TEP1: variants seen among roughly 807,000 people sequenced by gnomAD.
TEP1 encodes telomerase associated protein 1, also known as telomerase protein component 1.
TEP1 carries 241 observed loss-of-function variants against 306.3 expected under a neutral mutation model. The observed-to-expected ratio is 0.79, with a 90% confidence interval of 0.71 to 0.88. The LOEUF is 0.88. TEP1 is among the 40% of genes least tolerant of loss of function. TEP1 has a pLI of 0.00. For synonymous variants in TEP1, 1,289 were observed against 1,305.5 expected, an observed-to-expected ratio of 0.99 and a Z score of 0.27; for missense variants, 3,051 against 3,276.1, an observed-to-expected ratio of 0.93 and a Z score of 1.68.
Position 20,407,996 on chromosome 14 carries a change from A to T in TEP1, c.444T>A (p.Asn148Lys). The T allele has an allele frequency of 6.2e-7, 1 of 1,614,212 alleles. No individual in the cohort carries two copies. Among genetic ancestry groups the T allele is most frequent in the Admixed American group, 1.7e-5 (1 of 60,022 alleles). ...QADLYRVNNS[N>K]CLLSEPPSWR... Reference sequence around the variant, plus strand: ...AACTTGGAGGCTCAGAGAGCAGGCAATTGCTGTTGTTCACACGGTACAAAT... The same window carrying T: ...AACTTGGAGGCTCAGAGAGCAGGCATTTGCTGTTGTTCACACGGTACAAAT... Residue 148 changes from asparagine (N) to lysine (K), a missense_variant, in exon 2 of 55, where the codon AAT becomes AAA. Physicochemically the swap from Asn to Lys is moderately conservative, Grantham distance 94. This residue lies in a region of TEP1 where 1,507 missense variants were observed against 1,550.5 expected (regional missense o/e 0.97). Transcript: ENST00000262715.
At chr14:20,375,236 G>A (rs759146432) in intron 43 of TEP1, among the ~76,000 whole-genome samples, 5 of 151,938 alleles carry the variant, frequency 3.3e-5, no homozygotes, top group Non-Finnish European at 7.4e-5. Flanking sequence ...GCAATGGCGC[G>A]ACCTCTGCCT....
intron 29 of TEP1, 50 bp from the exon 30 acceptor site, chr14:20,382,113 G>A (rs777894635): frequency 7.5e-6 from 12 of 1,608,262 alleles, no homozygotes; most frequent in South Asian, 4.4e-5. Context: ...CGGTGTCCCC[G>A]CCCCCACCAC....
intron 14 of TEP1, 90 bp from the exon 15 acceptor site, chr14:20,390,848 T>C (rs752931941): frequency 6.2e-7 from 1 of 1,612,002 alleles, no homozygotes; most frequent in Non-Finnish European, 8.5e-7. Context: ...TTCAGAACTG[T>C]GTATTGTCTG....
At chr14:20,404,888 T>C in intron 4 of TEP1, 116 bp from the exon 5 acceptor site, 3 of 1,252,014 alleles carry the variant, frequency 2.4e-6, no homozygotes, top group Non-Finnish European at 3.2e-6. Context: ...CCCTCCACGT[T>C]GTCCACAAAA....
rs1388154055 is a variant in TEP1, at chr14:20,384,402, G to A, written c.3328C>T (p.Leu1110Phe). ...GTGCTTCTGCTGACCTGCAGGTAGAGCTTCTGGATCATATTCCATACATCC... is the reference window on the plus strand; with the variant it reads ...GTGCTTCTGCTGACCTGCAGGTAGAACTTCTGGATCATATTCCATACATCC... ...LQDVWNMIQK[L>F]YLQPGALLEQ... Residue 1110 changes from leucine (L) to phenylalanine (F), a missense_variant, in exon 23 of 55, where the codon CTC (leucine) becomes TTC (phenylalanine). Coordinates refer to ENST00000262715, the MANE Select transcript of TEP1 (RefSeq NM_007110.5). 3.1e-6 allele frequency: 5 copies of A among 1,614,026 alleles called. No individual in the cohort carries two copies. Among genetic ancestry groups the A allele is most frequent in the African/African-American group, 1.3e-5 (1 of 74,910 alleles).
intron 3 of TEP1, among the ~76,000 whole-genome samples, 154 bp downstream of exon 3, chr14:20,406,076 AAAG>A (rs563792348): frequency 1.5e-3 from 221 of 152,086 alleles, no homozygotes; most frequent in Non-Finnish European, 2.4e-3. Context: ...AAGGAAAATA[AAAG>A]AAAAAAGAAA....
chr14:20,388,850 T>TA (rs1333443038), intron 17 of TEP1, among the ~76,000 whole-genome samples: 2 of 152,218 alleles, frequency 1.3e-5, no homozygotes, highest in East Asian at 3.9e-4. Flanking sequence ...TACCTCACTT[T>TA]AAAAAAGAAG....
chr14:20,389,002 G>T (rs1361587835), intron 17 of TEP1, among the ~76,000 whole-genome samples: 1 of 152,106 alleles, frequency 6.6e-6, no homozygotes, highest in Admixed American at 6.6e-5. Context: ...ACAAAAATTA[G>T]CCGGGCATGG....
At chr14:20,404,573 GA>G in intron 5 of TEP1, 37 bp downstream of exon 5, 1 of 1,588,238 alleles carries the variant, frequency 6.3e-7, no homozygotes, top group Non-Finnish European at 8.6e-7. Flanking sequence ...GAGAAGGAAT[GA>G]AGTGAAGGCC....
Position 20,369,695 on chromosome 14 carries a change from T to C in TEP1, c.7402A>G (p.Thr2468Ala), listed in dbSNP as rs79167882. Residue 2468 changes from threonine to alanine, a missense_variant, in exon 52 of 55, where the codon ACT becomes GCT. This residue lies in a region of TEP1 where 1,540 missense variants were observed against 1,705.9 expected (regional missense o/e 0.90). Transcript: ENST00000262715. ...TCACCAGATTCAGGTTTGGCTTGAG[T>C]TATCGATATTAGGGTCCTACTAGGA... is the stretch of plus-strand genomic sequence containing the variant. Reference protein sequence around the residue: ...ENPSRTLISITQAKPESESSF... With the variant: ...ENPSRTLISIAQAKPESESSF... The C allele has an allele frequency of 2.2e-3, 3,591 of 1,614,066 alleles. 4 individuals carry two copies. The highest frequency in any genetic ancestry group is 2.8e-3 in the Non-Finnish European group (3,326 of 1,179,990).
intron 39 of TEP1, 35 bp downstream of exon 39, chr14:20,377,989 C>A: frequency 6.2e-7 from 1 of 1,608,248 alleles, no homozygotes; most frequent in Non-Finnish European, 8.5e-7. Flanking sequence ...TGCTACTCCT[C>A]CTCACAACCC....
At position 20,371,775 on chromosome 14, in the gene TEP1, G is replaced by A. The variant is rs908701979; in HGVS notation, c.7077-143C>T. ...CCTGAAAATCCTGTTCCACTTTCTG[G>A]TTTTTGTTTTTTAACATTAGTATTC... On this transcript the variant is annotated intron_variant, in intron 49 of 54. Coordinates refer to ENST00000262715, the MANE Select transcript of TEP1 (RefSeq NM_007110.5). 3.7e-6 allele frequency: 4 copies of A among 1,070,432 alleles called. No homozygotes were observed. The African/African-American group carries it at 6.6e-5, about 18-fold the overall frequency. 66.3% of individuals were successfully genotyped at this position (1,070,432 alleles called of 1,614,324 possible). A position where few individuals can be genotyped will look rare whatever the true frequency, so the allele number is the denominator to read the frequency against.
chr14:20,369,920 T>A, intron 51 of TEP1, 141 bp from the exon 52 acceptor site: 1 of 417,632 alleles, frequency 2.4e-6, no homozygotes, highest in Non-Finnish European at 3.8e-6. Context: ...GTGCGCAAAT[T>A]TTTTTTTTTT....
At chr14:20,396,377 C>T (rs990790268) in intron 10 of TEP1, among the ~76,000 whole-genome samples, 3 of 152,236 alleles carry the variant, frequency 2.0e-5, no homozygotes, top group African/African-American at 7.2e-5. Context: ...AGTCACTGAG[C>T]TCAGAAAATT....
chr14:20,381,458 G>T lies in TEP1; in HGVS notation c.4559-57C>A. ...CCTGCATCATTCCCAAGGGCAGTAG[G>T]TGAGCTGGCCAGCAGATGGGAGCAC... is the stretch of plus-strand genomic sequence containing the variant. On this transcript the variant is annotated intron_variant, in intron 31 of 54. Transcript: ENST00000262715. The surrounding 1 kb of genome is among the most constrained non-coding windows in gnomAD (Gnocchi z 4.0). 1 of 1,612,758 alleles carries T rather than the reference G, an allele frequency of 6.2e-7. No individual in the cohort carries two copies. The highest frequency in any genetic ancestry group is 1.1e-5 in the South Asian group (1 of 91,070).
chr14:20,368,783 CACA>C lies in TEP1; in HGVS notation c.7761+12_7761+14del, dbSNP rs779791899. ...GCGCACGCACACACACACACACACA[CACA>C]CACACACTTACCAGCTGCATACTGG... is the stretch of plus-strand genomic sequence containing the variant. On this transcript the variant is annotated intron_variant, in intron 54 of 54. Transcript: ENST00000262715. 21,919 of 1,605,836 alleles carry C rather than the reference CACA, an allele frequency of 0.014. 138 individuals carry two copies. The highest frequency in any genetic ancestry group is 0.016 in the Non-Finnish European group (19,010 of 1,173,052).
rs1212130487 is a variant in TEP1 at position 20,386,442 on chromosome 14, C to A, written c.2861+5G>T. The A allele has an allele frequency of 1.3e-6, 2 of 1,596,792 alleles. No homozygotes were observed. Among genetic ancestry groups the A allele is most frequent in the South Asian group, 1.1e-5 (1 of 89,762 alleles). On this transcript the variant is annotated splice_donor_5th_base_variant and intron_variant, in intron 19 of 54. Transcript: ENST00000262715. ...CCCAGCCCCTCTTCTCTGCAGCCCC[C>A]ACACCTGTTCCTACGGGTCTCCTCC...
In TEP1 at chr14:20,382,615, G is replaced by C; in HGVS notation, c.4140+8C>G. 6.2e-7 allele frequency: 1 copy of C among 1,614,016 alleles called. No individual in the cohort carries two copies. The highest frequency in any genetic ancestry group is 8.5e-7 in the Non-Finnish European group (1 of 1,179,906). ...GTGATTAGGACTTGGAAGGTGATGA[G>C]AACTGACCTGCTCATACAGCGTGAA... is the stretch of plus-strand genomic sequence containing the variant. On this transcript the variant is annotated splice_region_variant and intron_variant, in intron 28 of 54. Transcript: ENST00000262715.
rs201494870 is a variant in TEP1, at chr14:20,384,467, T to C, written c.3263A>G (p.Tyr1088Cys). The change falls in exon 23 of 55, where the codon TAT becomes TGT. Residue 1088 changes from tyrosine (Y) to cysteine (C), a missense_variant. Physicochemically the swap from Tyr to Cys is radical, Grantham distance 194. Transcript: ENST00000262715. ...CCCAAACTCCTCCAGCCCGCCAACA[T>C]AGGGCCGGCCAGCTGCCACACCCCC... ...EWGGVAAGRP[Y>C]VGGLEEFGQL... is the part of the protein sequence containing the mutation. 326 of 1,614,018 alleles carry C rather than the reference T, an allele frequency of 2.0e-4. 2 individuals are homozygous for C. Among genetic ancestry groups the C allele is most frequent in the South Asian group, 1.9e-3 (172 of 91,064 alleles).
Sources: allele counts gnomAD v4.1 joint callset (sites outside exome capture counted in the v4.1 genomes callset), GRCh38; gene constraint gnomAD v4.1.1; regional missense constraint gnomAD v4.1.1; non-coding constraint Gnocchi (gnomAD v3.1); transcripts MANE v1.5; gene names NCBI Gene and HGNC (gene_info 2026-07-23, HGNC 2026-07-21).